Variants in DTNBP1 observed in about 807,000 individuals in gnomAD.
DTNBP1 encodes dystrobrevin binding protein 1, also known as dysbindin.
DTNBP1 carries 35 observed loss-of-function variants against 42.8 expected under a neutral mutation model. That is an observed-to-expected ratio of 0.82 (90% CI 0.63 to 1.09). The LOEUF (loss-of-function observed/expected upper bound fraction) is 1.09, where lower values mean the gene tolerates loss of function less well. Among genes scored for constraint, DTNBP1 ranks in the 50% least tolerant of loss-of-function variants. The pLI is 0.00. For missense variants in DTNBP1, 457 were observed against 424.2 expected (o/e 1.08, Z -0.68); for synonymous variants, 171 against 162.2 (o/e 1.05, Z -0.41).
At position 15,537,731 on chromosome 6, in the gene DTNBP1, A is replaced by T. The variant is rs190301862; in HGVS notation, c.512-4336T>A. 8.8e-3 allele frequency among the ~76,000 whole-genome samples: 1,339 copies of T among 151,612 alleles called. 33 individuals carry two copies. The highest frequency in any genetic ancestry group is 6.9e-3 in the Non-Finnish European group (467 of 67,842). ...TTTGACAGTTCCTTCCCACGCTCAC[A>T]CTCTCTCCTACTGCCTTGTGAAGAA... On this transcript the variant is annotated intron_variant, in intron 7 of 9. Coordinates refer to ENST00000344537, the MANE Select transcript of DTNBP1 (RefSeq NM_032122.5).
chr6:15,646,258 GAC>G (rs58643392), intron 3 of DTNBP1, among the ~76,000 whole-genome samples: 21,476 of 148,908 alleles, frequency 0.14, 1,619 homozygotes, highest in East Asian at 0.29. Context: ...ATTTACAATA[GAC>G]ACACACACAC....
intron 7 of DTNBP1, among the ~76,000 whole-genome samples, chr6:15,580,340 G>A (rs1484277557): frequency 6.6e-6 from 1 of 152,172 alleles, no homozygotes; most frequent in Admixed American, 6.5e-5. Flanking sequence ...GCTAATGAAA[G>A]TATAAACTGG....
At chr6:15,585,841 G>A (rs1339881764) in intron 7 of DTNBP1, 17 of 1,490,462 alleles carry the variant, frequency 1.1e-5, no homozygotes, top group East Asian at 5.0e-5. Flanking sequence ...CTGCCCTCAC[G>A]TGCATCTTCT....
In DTNBP1 at chr6:15,590,718, A is replaced by T. The variant is rs532852656; in HGVS notation, c.511+2341T>A. 4.6e-5 allele frequency among the ~76,000 whole-genome samples: 7 copies of T among 152,336 alleles called. No homozygotes were observed. In the East Asian group the frequency reaches 1.4e-3, roughly 29 times the overall value. Reference sequence around the variant, plus strand: ...TCCTACTGCCAATATTAAAATAAGAACAACAACTGGTTTCAATAATCTTGT... The same window carrying T: ...TCCTACTGCCAATATTAAAATAAGATCAACAACTGGTTTCAATAATCTTGT... On this transcript the variant is annotated intron_variant, in intron 7 of 9. Coordinates refer to ENST00000344537, the MANE Select transcript of DTNBP1 (RefSeq NM_032122.5).
At position 15,522,892 on chromosome 6, in the gene DTNBP1, A is replaced by AT; in HGVS notation, c.*82_*83insA. ...TTATGTAAAAATCAAGAACCTCTAT[A>AT]AAACAACCTGGCTTTCCAGGTGGAA... On this transcript the variant is annotated 3_prime_UTR_variant, in exon 10 of 10. Coordinates refer to ENST00000344537, the MANE Select transcript of DTNBP1 (RefSeq NM_032122.5). 1.2e-6 allele frequency: 2 copies of AT among 1,612,358 alleles called. No homozygotes were observed. The highest frequency in any genetic ancestry group is 2.2e-5 in the South Asian group (2 of 90,738).
At chr6:15,574,705 G>A (rs1387569522) in intron 7 of DTNBP1, among the ~76,000 whole-genome samples, 1 of 152,036 alleles carries the variant, frequency 6.6e-6, no homozygotes, top group African/African-American at 2.4e-5. Context: ...AGGAGGAGGA[G>A]GACAGTGAAG....
At chr6:15,633,125 A>G (rs1168298520) in intron 4 of DTNBP1, among the ~76,000 whole-genome samples, 1 of 152,244 alleles carries the variant, frequency 6.6e-6, no homozygotes, top group Non-Finnish European at 1.5e-5. Flanking sequence ...TGCATGGCTT[A>G]TATGTGTCCA....
intron 3 of DTNBP1, among the ~76,000 whole-genome samples, chr6:15,650,904 TG>T (rs1760955802): frequency 6.6e-6 from 1 of 152,184 alleles, no homozygotes; most frequent in African/African-American, 2.4e-5. Context: ...TCTTGTTGTT[TG>T]TGCTTTTGAT....
At chr6:15,639,349 A>G (rs748057934) in intron 3 of DTNBP1, among the ~76,000 whole-genome samples, 2 of 152,350 alleles carry the variant, frequency 1.3e-5, no homozygotes, top group Non-Finnish European at 2.9e-5. Context: ...ACTACTATTC[A>G]TTTGATTGCT....
intron 7 of DTNBP1, among the ~76,000 whole-genome samples, chr6:15,584,257 G>A (rs1775961835): frequency 6.6e-6 from 1 of 151,962 alleles, no homozygotes; most frequent in African/African-American, 2.4e-5. Flanking sequence ...TTTCTTAGAT[G>A]AATGATCTAA....
chr6:15,641,608 G>C (rs1581426801), intron 3 of DTNBP1, among the ~76,000 whole-genome samples: 1 of 152,152 alleles, frequency 6.6e-6, no homozygotes, highest in African/African-American at 2.4e-5. Context: ...GCCAACTCGT[G>C]TGTACATGCG....
In DTNBP1 at chr6:15,662,976, T is replaced by A; in HGVS notation, c.-107A>T. The A allele has an allele frequency of 6.7e-7, 1 of 1,484,828 alleles. No homozygotes were observed. The highest frequency in any genetic ancestry group is 9.2e-7 in the Non-Finnish European group (1 of 1,084,058). 92.0% of individuals were successfully genotyped at this position (1,484,828 alleles called of 1,614,324 possible). On this transcript the variant is annotated 5_prime_UTR_variant, in exon 1 of 10. Transcript: ENST00000344537. ...CGCGCTGTCACCGCGCGCCCCGCAC[T>A]CCCACTACCGGCCCCGCCCCCGGTC...
At chr6:15,569,748 A>G (rs534295362) in intron 7 of DTNBP1, among the ~76,000 whole-genome samples, 15 of 152,260 alleles carry the variant, frequency 9.9e-5, no homozygotes, top group African/African-American at 2.9e-4. Flanking sequence ...ACCTCTGAAC[A>G]CATAGTTTCT....
chr6:15,533,206 A>T, intron 8 of DTNBP1, 34 bp downstream of exon 8: 1 of 1,611,678 alleles, frequency 6.2e-7, no homozygotes, highest in Non-Finnish European at 8.5e-7. Context: ...ACAGCCGGTG[A>T]GTCCCCACAC....
intron 7 of DTNBP1, among the ~76,000 whole-genome samples, chr6:15,580,020 C>CTG (rs1775756602): frequency 6.6e-6 from 1 of 152,176 alleles, no homozygotes; most frequent in African/African-American, 2.4e-5. Flanking sequence ...TATTACACTT[C>CTG]TGTGTGTAAT....
chr6:15,547,668 G>T (rs1358359274), intron 7 of DTNBP1, among the ~76,000 whole-genome samples: 2 of 152,106 alleles, frequency 1.3e-5, no homozygotes, highest in African/African-American at 4.8e-5. Flanking sequence ...TGACAATAAC[G>T]GATAAGCCCC....
intron 7 of DTNBP1, among the ~76,000 whole-genome samples, chr6:15,564,836 TG>T (rs1161013521): frequency 6.6e-6 from 1 of 151,906 alleles, no homozygotes; most frequent in African/African-American, 2.4e-5. Flanking sequence ...ATCACATGGC[TG>T]GGCAAAGTGG....
intron 7 of DTNBP1, among the ~76,000 whole-genome samples, chr6:15,548,750 A>G (rs1036726443): frequency 6.6e-4 from 100 of 152,334 alleles, no homozygotes; most frequent in Middle Eastern, 3.4e-3. Flanking sequence ...ATAGAGGAAA[A>G]AAAGAAGGCA....
chr6:15,597,270 C>T (rs1776551639), intron 6 of DTNBP1, among the ~76,000 whole-genome samples: 1 of 152,134 alleles, frequency 6.6e-6, no homozygotes, highest in Admixed American at 6.5e-5. Flanking sequence ...GAAGAGAGGA[C>T]AACTCATACA....
Sources: allele counts gnomAD v4.1 joint callset (sites outside exome capture counted in the v4.1 genomes callset), GRCh38; gene constraint gnomAD v4.1.1; transcripts MANE v1.5; gene names NCBI Gene and HGNC (gene_info 2026-07-23, HGNC 2026-07-21).